POLR1A: variants seen among roughly 807,000 people sequenced by gnomAD.
The protein encoded by POLR1A is RNA polymerase I subunit A, also known as DNA-directed RNA polymerase I subunit RPA1.
A neutral mutation model predicts 205.3 loss-of-function variants in POLR1A; 84 were observed. The observed-to-expected ratio is 0.41, with a 90% confidence interval of 0.34 to 0.49. The LOEUF is 0.49. POLR1A is among the 20% of genes least tolerant of loss of function. POLR1A has a pLI of 0.22. For missense variants in POLR1A, 1,645 were observed against 2,204.5 expected, an observed-to-expected ratio of 0.75 and a Z score of 5.08; for synonymous variants, 799 against 863.7, an observed-to-expected ratio of 0.93 and a Z score of 1.31.
Position 86,078,270 on chromosome 2 carries a change from CAA to C in POLR1A, c.1099_1100del (p.Leu367AspfsTer4). 6.4e-7 allele frequency: 1 copy of C among 1,569,458 alleles called. No individual in the cohort carries two copies. The highest frequency in any genetic ancestry group is 1.2e-5 in the South Asian group (1 of 84,056). ...TCAAAAAGGATCGGTCAATAGCAATCAAAGAGTCTTTTTCCTGGAAGATGAAA... is the reference window on the plus strand; with the variant it reads ...TCAAAAAGGATCGGTCAATAGCAATCAGAGTCTTTTTCCTGGAAGATGAAA... ...TPTTDEEKDS[L>X]IAIDRSFLST... On this transcript the variant is annotated frameshift_variant, in exon 10 of 34. Coordinates refer to ENST00000263857, the MANE Select transcript of POLR1A (RefSeq NM_015425.6). LOFTEE classifies it high-confidence loss of function.
At position 86,028,251 on chromosome 2, in the gene POLR1A, C is replaced by T. The variant is rs1219677181; in HGVS notation, c.4898-202G>A. Among the ~76,000 whole-genome samples the T allele has an allele frequency of 5.3e-5, 8 of 152,212 alleles. No homozygotes were observed. The highest frequency in any genetic ancestry group is 3.9e-4 in the Admixed American group (6 of 15,278). The stretch of plus-strand genomic sequence containing the variant: ...TTTCCCTGACCCCTGCATCCTGCTT[C>T]CCGCTTCCTTCCAGCAGCACAGGAA... On this transcript the variant is annotated intron_variant, in intron 32 of 33. Coordinates refer to ENST00000263857, the MANE Select transcript of POLR1A (RefSeq NM_015425.6). The surrounding 1 kb of genome is among the most constrained non-coding windows in gnomAD (Gnocchi z 4.5).
Position 86,083,177 on chromosome 2 carries a change from AAGG to A in POLR1A, c.731-12_731-10del, listed in dbSNP as rs767099397. 9.4e-6 allele frequency: 15 copies of A among 1,599,142 alleles called. No homozygotes were observed. In the African/African-American group the frequency reaches 1.6e-4, roughly 17 times the overall value. On this transcript the variant is annotated splice_polypyrimidine_tract_variant and intron_variant, in intron 6 of 33. Coordinates refer to ENST00000263857, the MANE Select transcript of POLR1A (RefSeq NM_015425.6). ...CTGAGCTTCCTCAATTCCTGGAGCCAAGGAGGAGAATCAAAGTGCAATAAATCA... is the reference window on the plus strand; with the variant it reads ...CTGAGCTTCCTCAATTCCTGGAGCCAAGGAGAATCAAAGTGCAATAAATCA...
At chr2:86,081,784 T>C in intron 7 of POLR1A, 78 bp from the exon 8 acceptor site, 4 of 818,804 alleles carry the variant, frequency 4.9e-6, no homozygotes, top group Non-Finnish European at 8.0e-6. Flanking sequence ...ATAAAAATAT[T>C]ACTGAGTGAG....
intron 3 of POLR1A, among the ~76,000 whole-genome samples, chr2:86,095,673 T>C (rs531500302): frequency 6.6e-6 from 1 of 151,478 alleles, no homozygotes; most frequent in Non-Finnish European, 1.5e-5. Flanking sequence ...AGAAAAGGCA[T>C]CCAAACTGAA....
chr2:86,066,744 A>G (rs982829794), intron 13 of POLR1A, among the ~76,000 whole-genome samples: 9 of 152,206 alleles, frequency 5.9e-5, no homozygotes, highest in African/African-American at 1.9e-4. Flanking sequence ...TGGTCTAAAC[A>G]CTACAGTGAT....
Position 86,023,256 on chromosome 2 carries a change from T to C in POLR1A, c.*4167A>G, listed in dbSNP as rs943612158. On this transcript the variant is annotated 3_prime_UTR_variant, in exon 34 of 34. Coordinates refer to ENST00000263857, the MANE Select transcript of POLR1A (RefSeq NM_015425.6). The stretch of plus-strand genomic sequence containing the variant: ...CAGCAACTCTGTGACCTATCTAAAC[T>C]ACACAACCTCAAGGGCAGGCTGTGG... 2 of 152,174 alleles carry C rather than the reference T, an allele frequency of 1.3e-5. No homozygotes were observed. The highest frequency in any genetic ancestry group is 4.8e-5 in the African/African-American group (2 of 41,448). The allele number at this position is 152,174 out of a possible 1,614,324, so 9.4% of individuals were successfully genotyped here. A position where few individuals can be genotyped will look rare whatever the true frequency, so the allele number is the denominator to read the frequency against.
intron 9 of POLR1A, among the ~76,000 whole-genome samples, chr2:86,080,054 A>C (rs957871534): frequency 6.6e-6 from 1 of 152,236 alleles, no homozygotes; most frequent in South Asian, 2.1e-4. Flanking sequence ...AACCTGCACC[A>C]TAAGTGTCCA....
intron 3 of POLR1A, among the ~76,000 whole-genome samples, chr2:86,093,563 C>T (rs1172060630): frequency 6.6e-6 from 1 of 152,204 alleles, no homozygotes; most frequent in Non-Finnish European, 1.5e-5. Context: ...AGTGATGGCT[C>T]ATGCCTGTAA....
Position 86,089,950 on chromosome 2 carries a change from C to A in POLR1A, c.433-21G>T, listed in dbSNP as rs372859732. 8.5e-5 allele frequency: 109 copies of A among 1,289,378 alleles called. No homozygotes were observed. The African/African-American group carries it at 1.5e-3, about 18-fold the overall frequency. 79.9% of individuals were successfully genotyped at this position (1,289,378 alleles called of 1,614,324 possible). A position where few individuals can be genotyped will look rare whatever the true frequency, so the allele number is the denominator to read the frequency against. ...AGAAACTGGAAAACAAAGAGGAAAA[C>A]TCCATTATCACAGTAATGTACACCT... On this transcript the variant is annotated intron_variant, in intron 3 of 33. Transcript: ENST00000263857.
At position 86,033,591 on chromosome 2, in the gene POLR1A, T is replaced by C. The variant is rs1230136108; in HGVS notation, c.4161+70A>G. On this transcript the variant is annotated intron_variant, in intron 28 of 33. Transcript: ENST00000263857. The stretch of plus-strand genomic sequence containing the variant: ...GATGGGGCTGGAGGAGCACAGAGAA[T>C]AGGCACAGAGCCTGCCCAGTCTGGG... 2.6e-6 allele frequency: 4 copies of C among 1,543,406 alleles called. No homozygotes were observed. In the African/African-American group the frequency reaches 5.5e-5, roughly 21 times the overall value.
chr2:86,027,322 G>T lies in POLR1A; in HGVS notation c.*101C>A. ...GTGCTCTGTACTGTCACTTGGAACT[G>T]CCCTGGATTCCAGTCTCCTGGTCCT... is the stretch of plus-strand genomic sequence containing the variant. On this transcript the variant is annotated 3_prime_UTR_variant, in exon 34 of 34. Coordinates refer to ENST00000263857, the MANE Select transcript of POLR1A (RefSeq NM_015425.6). 1 of 948,956 alleles carries T rather than the reference G, an allele frequency of 1.1e-6. No homozygotes were observed. Among genetic ancestry groups the T allele is most frequent in the Non-Finnish European group, 1.7e-6 (1 of 578,856 alleles). The allele number at this position is 948,956 out of a possible 1,614,324, so 58.8% of individuals were successfully genotyped here.
Position 86,038,782 on chromosome 2 carries a change from G to A in POLR1A, c.3952C>T (p.Arg1318Trp), listed in dbSNP as rs747569343. 34 of 1,613,730 alleles carry A rather than the reference G, an allele frequency of 2.1e-5. No individual in the cohort carries two copies. Among genetic ancestry groups the A allele is most frequent in the Non-Finnish European group, 2.7e-5 (32 of 1,179,774 alleles). Residue 1318 changes from arginine to tryptophan, a missense_variant, in exon 27 of 34, where the codon CGG (arginine) becomes TGG (tryptophan). Physicochemically the swap from Arg to Trp is moderately radical, Grantham distance 101. Around this residue, in one of 16 missense-constraint regions of POLR1A, gnomAD observed 394 missense variants for 468.5 expected, o/e 0.84. Coordinates refer to ENST00000263857, the MANE Select transcript of POLR1A (RefSeq NM_015425.6). ...TATGCATGTGGCAGGAACTGAAACC[G>A]CAGCTGGTACACCTGGAATTTGTTC... ...KQNKFQVYQL[R>W]FQFLPHAYYQ...
Position 86,047,218 on chromosome 2 carries a change from G to A in POLR1A, c.2680C>T (p.Leu894=). The part of the protein sequence containing the change: ...GLHRQFPENS[L]QMMVQSGAKG... ...GCTCCCGACTGCACCATCATCTGCA[G>A]GCTGTTCTCTGGGAACTGTCTGTGT... is the stretch of plus-strand genomic sequence containing the variant. The change falls in exon 19 of 34, where the codon CTG becomes TTG. Residue 894 remains leucine (L), a synonymous_variant. Coordinates refer to ENST00000263857, the MANE Select transcript of POLR1A (RefSeq NM_015425.6). The A allele has an allele frequency of 6.2e-7, 1 of 1,614,132 alleles. No homozygotes were observed. The highest frequency in any genetic ancestry group is 2.2e-5 in the East Asian group (1 of 44,886).
rs1430244676 is a variant in POLR1A, at chr2:86,042,969, A to C, written c.3357+5T>G. The C allele has an allele frequency of 8.7e-6, 14 of 1,607,864 alleles. No homozygotes were observed. Among genetic ancestry groups the C allele is most frequent in the Non-Finnish European group, 1.1e-5 (13 of 1,174,678 alleles). ...GACATTAAGGACACCACCTCCCTGC[A>C]TCACCTCCTGAGTCCCAGGGCTGCG... On this transcript the variant is annotated splice_donor_5th_base_variant and intron_variant, in intron 23 of 33. Coordinates refer to ENST00000263857, the MANE Select transcript of POLR1A (RefSeq NM_015425.6).
chr2:86,100,226 G>A, intron 1 of POLR1A, 54 bp from the exon 2 acceptor site: 1 of 1,357,190 alleles, frequency 7.4e-7, no homozygotes, highest in African/African-American at 1.4e-5. Context: ...CCTCTCTGAT[G>A]TTTCCTTTCC....
At chr2:86,049,842 A>G (rs185993612) in intron 16 of POLR1A, among the ~76,000 whole-genome samples, 1 of 152,242 alleles carries the variant, frequency 6.6e-6, no homozygotes, top group Admixed American at 6.5e-5. Flanking sequence ...CTTCTGGCTC[A>G]AAGGGTTGAG....
chr2:86,032,199 G>C (rs2104381274), intron 29 of POLR1A, 73 bp downstream of exon 29: 1 of 1,048,102 alleles, frequency 9.5e-7, no homozygotes. Flanking sequence ...TGGGTGCCGG[G>C]AGATAATCCC....
rs780316423 is a variant in POLR1A, at chr2:86,098,776, A to T, written c.283-16T>A. 20 of 1,613,514 alleles carry T rather than the reference A, an allele frequency of 1.2e-5. No individual in the cohort carries two copies. The highest frequency in any genetic ancestry group is 1.5e-5 in the Non-Finnish European group (18 of 1,179,488). On this transcript the variant is annotated splice_polypyrimidine_tract_variant and intron_variant, in intron 2 of 33. Transcript: ENST00000263857. Reference sequence around the variant, plus strand: ...GGTACAGCTTCTGAAGAGAGGGAATAAAAACAAACAGGATATTAGAAAGAG... The same window carrying T: ...GGTACAGCTTCTGAAGAGAGGGAATTAAAACAAACAGGATATTAGAAAGAG...
chr2:86,035,200 T>TTTGTTTAAAA (rs1357972237), intron 27 of POLR1A, among the ~76,000 whole-genome samples: 4 of 152,144 alleles, frequency 2.6e-5, no homozygotes, highest in Non-Finnish European at 5.9e-5. Flanking sequence ...TTTTTAAAGG[T>TTTGTTTAAAA]GTACGTGGTT....
Sources: gnomAD v4.1 joint callset for allele counts (sites outside exome capture counted in the v4.1 genomes callset) on GRCh38, gnomAD v4.1.1 for gene constraint, gnomAD v4.1.1 regional missense constraint, Gnocchi (gnomAD v3.1) non-coding constraint, MANE v1.5 for transcripts, NCBI Gene and HGNC (gene_info 2026-07-23, HGNC 2026-07-21) for gene names.